Variants in IMMP2L observed in about 807,000 individuals in gnomAD.
The protein encoded by IMMP2L is inner mitochondrial membrane peptidase subunit 2.
IMMP2L carries 18 observed loss-of-function variants against 19.3 expected under a neutral mutation model. The observed-to-expected ratio is 0.93, with a 90% CI of 0.64 to 1.38. IMMP2L has a LOEUF of 1.38. Among genes scored for constraint, IMMP2L ranks in the 40% most tolerant of loss-of-function variants. IMMP2L has a pLI of 0.00. For synonymous variants in IMMP2L, 76 were observed against 73.0 expected, an observed-to-expected ratio of 1.04 and a Z score of -0.21; for missense variants, 233 against 218.2, an observed-to-expected ratio of 1.07 and a Z score of -0.43.
At chr7:111,288,861 G>A (rs897992463) in intron 3 of IMMP2L, among the ~76,000 whole-genome samples, 6 of 152,080 alleles carry the variant, frequency 3.9e-5, no homozygotes, top group Admixed American at 1.3e-4. Context: ...ACAGTGTGGC[G>A]ACTCCTCAAA....
At chr7:111,151,873 T>C (rs918621845) in intron 3 of IMMP2L, among the ~76,000 whole-genome samples, 6 of 152,000 alleles carry the variant, frequency 3.9e-5, no homozygotes, top group Non-Finnish European at 7.4e-5. Flanking sequence ...GAGGCGGAGG[T>C]TGCAGTGAGC....
intron 3 of IMMP2L, among the ~76,000 whole-genome samples, chr7:111,149,579 A>T (rs533647052): frequency 3.9e-5 from 6 of 152,300 alleles, no homozygotes; most frequent in African/African-American, 1.4e-4. Flanking sequence ...AACTTTTCTT[A>T]ACTTTTTTGA....
intron 5 of IMMP2L, among the ~76,000 whole-genome samples, chr7:110,718,983 C>T (rs1245841352): frequency 6.6e-6 from 1 of 152,156 alleles, no homozygotes; most frequent in Non-Finnish European, 1.5e-5. Context: ...ACATAATATT[C>T]TAGACATGCA....
At chr7:111,217,126 T>TCTCTCACA (rs1472700586) in intron 3 of IMMP2L, among the ~76,000 whole-genome samples, 22 of 124,070 alleles carry the variant, frequency 1.8e-4, no homozygotes, top group African/African-American at 6.3e-4. Context: ...TCTCTCTCTC[T>TCTCTCACA]CACACACACA....
intron 3 of IMMP2L, among the ~76,000 whole-genome samples, chr7:111,218,401 C>A (rs1285908352): frequency 6.6e-6 from 1 of 151,844 alleles, no homozygotes; most frequent in Non-Finnish European, 1.5e-5. Context: ...TGTTGTATCG[C>A]CTACATTTAA....
chr7:110,780,664 T>G (rs574903091), intron 5 of IMMP2L, among the ~76,000 whole-genome samples: 1 of 151,816 alleles, frequency 6.6e-6, no homozygotes. Flanking sequence ...ATTTGGGAGC[T>G]GATTAATTTC....
chr7:110,701,313 A>ATAGC (rs1794270905), intron 5 of IMMP2L, among the ~76,000 whole-genome samples: 1 of 152,248 alleles, frequency 6.6e-6, no homozygotes, highest in Non-Finnish European at 1.5e-5. Context: ...TTTAGCAATA[A>ATAGC]TAGCTAGCAT....
At chr7:111,325,160 G>T (rs1825177033) in intron 3 of IMMP2L, among the ~76,000 whole-genome samples, 2 of 151,594 alleles carry the variant, frequency 1.3e-5, no homozygotes, top group South Asian at 4.2e-4. Flanking sequence ...TAAGATTTTA[G>T]TTACAAAATA....
intron 1 of IMMP2L, among the ~76,000 whole-genome samples, chr7:111,530,095 T>A (rs1401592879): frequency 6.6e-6 from 1 of 152,140 alleles, no homozygotes; most frequent in Non-Finnish European, 1.5e-5. Flanking sequence ...CTGGTGGGCT[T>A]TGAATCCAAG....
At chr7:111,157,395 T>A (rs566933266) in intron 3 of IMMP2L, among the ~76,000 whole-genome samples, 2 of 152,212 alleles carry the variant, frequency 1.3e-5, no homozygotes, top group South Asian at 4.1e-4. Context: ...TCTTCAGCCA[T>A]AAAAAATAAT....
intron 3 of IMMP2L, among the ~76,000 whole-genome samples, chr7:111,071,283 T>G (rs1475564637): frequency 6.6e-6 from 1 of 152,128 alleles, no homozygotes; most frequent in Non-Finnish European, 1.5e-5. Context: ...CATACATAGC[T>G]GGTGGGAATG....
chr7:110,813,828 C>G (rs975464429), intron 5 of IMMP2L, among the ~76,000 whole-genome samples: 1 of 151,614 alleles, frequency 6.6e-6, no homozygotes, highest in Non-Finnish European at 1.5e-5. Context: ...TTCCATCACC[C>G]AATTTGTAAA....
At chr7:111,496,444 T>C (rs1002442610) in intron 2 of IMMP2L, among the ~76,000 whole-genome samples, 4 of 152,114 alleles carry the variant, frequency 2.6e-5, no homozygotes, top group Admixed American at 6.5e-5. Flanking sequence ...TCTGGGTATA[T>C]CTGTGAGGGA....
intron 3 of IMMP2L, among the ~76,000 whole-genome samples, chr7:111,397,576 T>C (rs968441134): frequency 6.6e-6 from 1 of 152,090 alleles, no homozygotes; most frequent in African/African-American, 2.4e-5. Flanking sequence ...AAAGAAACCA[T>C]CAATATTGTG....
intron 5 of IMMP2L, among the ~76,000 whole-genome samples, chr7:110,849,398 A>G (rs2131514158): frequency 6.6e-6 from 1 of 152,282 alleles, no homozygotes; most frequent in East Asian, 1.9e-4. Context: ...ATCAAAAGTC[A>G]AATTACAATA....
At chr7:110,865,643 C>T (rs1439700058) in intron 5 of IMMP2L, among the ~76,000 whole-genome samples, 2 of 152,016 alleles carry the variant, frequency 1.3e-5, no homozygotes, top group South Asian at 4.2e-4. Flanking sequence ...ACAAAAGACA[C>T]CCTCCTTCAA....
At chr7:111,132,879 A>G (rs1801981951) in intron 3 of IMMP2L, among the ~76,000 whole-genome samples, 2 of 152,130 alleles carry the variant, frequency 1.3e-5, no homozygotes, top group African/African-American at 4.8e-5. Context: ...ATGAGATTCT[A>G]TGGAATTAAA....
At chr7:111,257,210 A>T (rs1816805579) in intron 3 of IMMP2L, among the ~76,000 whole-genome samples, 1 of 152,158 alleles carries the variant, frequency 6.6e-6, no homozygotes, top group Non-Finnish European at 1.5e-5. Context: ...CTGTCATACT[A>T]AAAGAGCCAT....
chr7:110,699,973 G>C (rs920067070), intron 5 of IMMP2L, among the ~76,000 whole-genome samples: 15 of 152,040 alleles, frequency 9.9e-5, no homozygotes, highest in Admixed American at 9.2e-4. Context: ...CTCTTATACA[G>C]TCCATAGCCC....
Sources: allele counts gnomAD v4.1 joint callset (sites outside exome capture counted in the v4.1 genomes callset), GRCh38; gene constraint gnomAD v4.1.1; transcripts MANE v1.5; gene names NCBI Gene and HGNC (gene_info 2026-07-23, HGNC 2026-07-21).